The following ALK variants were observed in gnomAD, a reference collection of about 807,000 sequenced individuals.
The protein encoded by ALK is ALK receptor tyrosine kinase.
In ALK, 74 loss-of-function variants were observed where a neutral mutation model predicts 163.1. That is an observed-to-expected ratio of 0.45 (90% CI 0.38 to 0.55). The LOEUF is 0.55. Ranked by LOEUF, ALK falls within the 20% of genes least tolerant of loss-of-function variation. The pLI, the probability that ALK is intolerant of heterozygous loss-of-function variation, is 0.00. For missense variants in ALK, 2,063 were observed against 2,105.3 expected, an observed-to-expected ratio of 0.98 and a Z score of 0.39; for synonymous variants, 960 against 843.2, an observed-to-expected ratio of 1.14 and a Z score of -2.40.
At chr2:29,713,708 A>G (rs1459934519) in intron 2 of ALK, among the ~76,000 whole-genome samples, 3 of 152,244 alleles carry the variant, frequency 2.0e-5, no homozygotes, top group African/African-American at 4.8e-5. Context: ...ATGAAAGCAC[A>G]TTAATAAACT....
Position 29,887,894 on chromosome 2 carries a change from A to C in ALK, c.667+32099T>G, listed in dbSNP as rs184498437. On this transcript the variant is annotated intron_variant, in intron 1 of 28. Coordinates refer to ENST00000389048, the MANE Select transcript of ALK (RefSeq NM_004304.5). Reference sequence around the variant, plus strand: ...CTATGTTAAGAGACCTTTACTTCAAAAGAAAGAAACATCCCTGTGTTTAGA... The same window carrying C: ...CTATGTTAAGAGACCTTTACTTCAACAGAAAGAAACATCCCTGTGTTTAGA... Among the ~76,000 whole-genome samples, 13 of 152,320 alleles carry C rather than the reference A, an allele frequency of 8.5e-5. No individual in the cohort carries two copies. The East Asian group carries it at 9.6e-4, about 11-fold the overall frequency.
intron 2 of ALK, among the ~76,000 whole-genome samples, chr2:29,703,257 C>T (rs964284916): frequency 4.6e-5 from 7 of 152,208 alleles, no homozygotes; most frequent in African/African-American, 1.2e-4. Flanking sequence ...GGATACAGAG[C>T]CTGACGCTGG....
At chr2:29,795,239 TG>T (rs1664279049) in intron 1 of ALK, among the ~76,000 whole-genome samples, 1 of 152,096 alleles carries the variant, frequency 6.6e-6, no homozygotes, top group Non-Finnish European at 1.5e-5. Flanking sequence ...TCAGCCTCGC[TG>T]GTAAGCAAAG....
chr2:29,320,691 C>T lies in ALK; in HGVS notation c.1546+60G>A, dbSNP rs113707515. ...GGGGTGAAGTCCAGCCCTGAGTCTC[C>T]CATCTGTCTATGTGGGCATGAAGAT... On this transcript the variant is annotated intron_variant, in intron 7 of 28. Transcript: ENST00000389048. The T allele has an allele frequency of 3.7e-6, 6 of 1,610,574 alleles. No individual in the cohort carries two copies. In the Admixed American group the frequency reaches 1.0e-4, roughly 27 times the overall value.
At chr2:29,277,910 G>A (rs1166765047) in intron 9 of ALK, among the ~76,000 whole-genome samples, 1 of 152,208 alleles carries the variant, frequency 6.6e-6, no homozygotes, top group African/African-American at 2.4e-5. Context: ...GGTCTATGGG[G>A]CATTCTAAGA....
chr2:29,343,208 A>ATT (rs1558684282), intron 5 of ALK, among the ~76,000 whole-genome samples: 1 of 136,336 alleles, frequency 7.3e-6, no homozygotes, highest in Admixed American at 7.5e-5. Flanking sequence ...AAAATTTAAA[A>ATT]ATTTTTTTTT....
At chr2:29,438,237 A>G (rs553911856) in intron 4 of ALK, among the ~76,000 whole-genome samples, 2 of 152,360 alleles carry the variant, frequency 1.3e-5, no homozygotes, top group Admixed American at 6.5e-5. Context: ...CATTTTCCAG[A>G]TTAGGAAACT....
intron 5 of ALK, among the ~76,000 whole-genome samples, chr2:29,351,836 G>A (rs577800844): frequency 6.6e-6 from 1 of 152,184 alleles, no homozygotes; most frequent in African/African-American, 2.4e-5. Flanking sequence ...ACCAGAGAGA[G>A]AAGTGGCACT....
chr2:29,498,343 A>C (rs1672083879), intron 4 of ALK, among the ~76,000 whole-genome samples: 1 of 150,758 alleles, frequency 6.6e-6, no homozygotes, highest in African/African-American at 2.4e-5. Flanking sequence ...AATATGCAAA[A>C]ATGAAACAAT....
chr2:29,605,996 T>C (rs1675533178), intron 3 of ALK, among the ~76,000 whole-genome samples: 1 of 152,112 alleles, frequency 6.6e-6, no homozygotes, highest in South Asian at 2.1e-4. Context: ...TTCCTTTCCA[T>C]GAAAAAGCCC....
At chr2:29,226,815 T>C in intron 18 of ALK, 107 bp downstream of exon 18, 4 of 1,445,724 alleles carry the variant, frequency 2.8e-6, no homozygotes, top group South Asian at 1.1e-5. Flanking sequence ...GGACAGAAAG[T>C]TTACAAAACC....
At chr2:29,235,294 C>T (rs572341389) in intron 13 of ALK, among the ~76,000 whole-genome samples, 12 of 152,316 alleles carry the variant, frequency 7.9e-5, no homozygotes, top group Middle Eastern at 3.4e-3. Flanking sequence ...GATGCTGCTT[C>T]GTAACCAGCT....
At chr2:29,378,409 T>A (rs10175582) in intron 5 of ALK, among the ~76,000 whole-genome samples, 42,913 of 152,052 alleles carry the variant, frequency 0.28, 6,305 homozygotes, top group African/African-American at 0.35. Flanking sequence ...CTGTGCAAAC[T>A]GCAAGGTGTG....
At chr2:29,468,932 T>G (rs1176651569) in intron 4 of ALK, among the ~76,000 whole-genome samples, 1 of 151,298 alleles carries the variant, frequency 6.6e-6, no homozygotes, top group African/African-American at 2.4e-5. Context: ...AACCCATTTA[T>G]GCCTGAGGTT....
intron 5 of ALK, among the ~76,000 whole-genome samples, 198 bp from the exon 6 acceptor site, chr2:29,328,679 A>T (rs564922778): frequency 2.0e-5 from 3 of 151,978 alleles, no homozygotes; most frequent in Admixed American, 1.3e-4. Flanking sequence ...AGGGGTCAAA[A>T]CCCCTCACGC....
In ALK at chr2:29,921,145, T is replaced by G. The variant is rs929245609; in HGVS notation, c.-486A>C. The G allele has an allele frequency of 4.2e-6, 1 of 237,782 alleles. No individual in the cohort carries two copies. The highest frequency in any genetic ancestry group is 8.2e-6 in the Non-Finnish European group (1 of 121,262). The allele number at this position is 237,782 out of a possible 1,614,324, so 14.7% of individuals were successfully genotyped here. A position where few individuals can be genotyped will look rare whatever the true frequency, so the allele number is the denominator to read the frequency against. ...GCTGCTGCACGCTGTCCTGGCCGCCTTTTGCGTTCCTTTTGGCTCCTCCAA... is the reference window on the plus strand; with the variant it reads ...GCTGCTGCACGCTGTCCTGGCCGCCGTTTGCGTTCCTTTTGGCTCCTCCAA... On this transcript the variant is annotated 5_prime_UTR_variant, in exon 1 of 29. Transcript: ENST00000389048.
At chr2:29,608,072 A>T (rs1675590108) in intron 3 of ALK, among the ~76,000 whole-genome samples, 4 of 152,304 alleles carry the variant, frequency 2.6e-5, no homozygotes, top group Middle Eastern at 6.8e-3. Flanking sequence ...CCAGAAATCC[A>T]TGTGGCTTAC....
intron 1 of ALK, among the ~76,000 whole-genome samples, chr2:29,794,220 T>C (rs878970746): frequency 6.6e-6 from 1 of 152,192 alleles, no homozygotes; most frequent in Non-Finnish European, 1.5e-5. Flanking sequence ...CAACCTCTGC[T>C]AGCTTCCAAT....
chr2:29,461,227 A>T (rs1048210502), intron 4 of ALK, among the ~76,000 whole-genome samples: 23 of 152,224 alleles, frequency 1.5e-4, no homozygotes, highest in African/African-American at 5.5e-4. Context: ...CATGTCCATA[A>T]CATAAAAGTA....
Sources: allele counts gnomAD v4.1 joint callset (sites outside exome capture counted in the v4.1 genomes callset), GRCh38; gene constraint gnomAD v4.1.1; transcripts MANE v1.5; gene names NCBI Gene and HGNC (gene_info 2026-07-23, HGNC 2026-07-21).